The following COL4A4 variants were observed in gnomAD, a reference collection of about 807,000 sequenced individuals.
The protein encoded by COL4A4 is collagen alpha-4(IV) chain.
Under a neutral mutation model 192.9 loss-of-function variants are expected in COL4A4, and 105 were observed. The observed-to-expected ratio is 0.54, with a 90% CI of 0.46 to 0.64. The LOEUF is 0.64. Ranked by LOEUF, COL4A4 falls within the 30% of genes least tolerant of loss-of-function variation. The pLI, the probability that COL4A4 is intolerant of heterozygous loss-of-function variation, is 0.00. For missense variants in COL4A4, 1,967 were observed against 2,169.3 expected, an observed-to-expected ratio of 0.91 and a Z score of 1.85; for synonymous variants, 762 against 769.9, an observed-to-expected ratio of 0.99 and a Z score of 0.17.
At chr2:227,100,438 T>A (rs1243370896) in intron 17 of COL4A4, among the ~76,000 whole-genome samples, 2 of 148,686 alleles carry the variant, frequency 1.3e-5, no homozygotes, top group Non-Finnish European at 3.0e-5. Context: ...AAAAAATATT[T>A]TAAAAAAAAT....
At chr2:226,993,872 C>A in the COL4A4 span, among the ~76,000 whole-genome samples, 1 of 152,206 alleles carries the variant, frequency 6.6e-6, no homozygotes, top group Non-Finnish European at 1.5e-5. Context: ...TTAACAGTTG[C>A]CATGTCAGCT....
At chr2:227,070,710 G>A (rs1393159658) in intron 25 of COL4A4, among the ~76,000 whole-genome samples, 1 of 124,342 alleles carries the variant, frequency 8.0e-6, no homozygotes, top group Non-Finnish European at 1.7e-5. Context: ...CACACTCTGG[G>A]GACTGTTGTG....
intron 44 of COL4A4, among the ~76,000 whole-genome samples, chr2:227,014,928 T>G (rs1964560303): frequency 6.8e-6 from 1 of 147,994 alleles, no homozygotes. Context: ...AGATGGAGTC[T>G]TTCTCTGTTG....
At chr2:227,051,309 C>T in intron 32 of COL4A4, 151 bp from the exon 33 acceptor site, 2 of 786,886 alleles carry the variant, frequency 2.5e-6, no homozygotes, top group East Asian at 5.1e-5. Context: ...TCATTTCTGG[C>T]TTCAGTGACC....
chr2:227,118,320 T>C (rs1171134278), intron 7 of COL4A4, among the ~76,000 whole-genome samples: 1 of 152,206 alleles, frequency 6.6e-6, no homozygotes, highest in Non-Finnish European at 1.5e-5. Flanking sequence ...CTCTCTGCTC[T>C]TTTTTCCCTA....
At chr2:227,036,161 C>T (rs531488821) in intron 37 of COL4A4, among the ~76,000 whole-genome samples, 2 of 152,296 alleles carry the variant, frequency 1.3e-5, no homozygotes, top group South Asian at 2.1e-4. Flanking sequence ...AAACAACCAT[C>T]ATTTAAGGCT....
chr2:227,154,100 C>A (rs2064151297), intron 1 of COL4A4, among the ~76,000 whole-genome samples: 2 of 152,296 alleles, frequency 1.3e-5, no homozygotes, highest in South Asian at 2.1e-4. Context: ...CAAGTAAGAT[C>A]CACAACCTCT....
At chr2:227,076,779 A>C (rs541587185) in intron 25 of COL4A4, among the ~76,000 whole-genome samples, 1 of 152,354 alleles carries the variant, frequency 6.6e-6, no homozygotes, top group Non-Finnish European at 1.5e-5. Flanking sequence ...CAAGGAACTT[A>C]AACAAATTTA....
intron 42 of COL4A4, among the ~76,000 whole-genome samples, chr2:227,026,348 A>T (rs532195376): frequency 1.3e-5 from 2 of 152,050 alleles, no homozygotes; most frequent in African/African-American, 4.8e-5. Flanking sequence ...ATACAAAAAA[A>T]TTAGCTGCGT....
intron 25 of COL4A4, among the ~76,000 whole-genome samples, chr2:227,069,474 C>G (rs1227855905): frequency 2.6e-5 from 4 of 152,026 alleles, no homozygotes; most frequent in African/African-American, 9.7e-5. Context: ...AACTATACTA[C>G]AAGGCTACAG....
At chr2:227,093,975 T>G in intron 20 of COL4A4, 150 bp downstream of exon 20, 1 of 679,418 alleles carries the variant, frequency 1.5e-6, no homozygotes, top group Non-Finnish European at 2.5e-6. Context: ...AAAGTCCAAC[T>G]TCAGTTTATT....
At chr2:227,046,518 C>T (rs942663450) in intron 35 of COL4A4, among the ~76,000 whole-genome samples, 1 of 151,986 alleles carries the variant, frequency 6.6e-6, no homozygotes, top group Non-Finnish European at 1.5e-5. Context: ...CATCTTTGTA[C>T]ACTTGTCTGA....
chr2:227,072,984 A>G (rs2058808385), intron 25 of COL4A4, among the ~76,000 whole-genome samples: 1 of 152,116 alleles, frequency 6.6e-6, no homozygotes, highest in Admixed American at 6.6e-5. Flanking sequence ...GAGAACAGGA[A>G]CAAGAGAAGG....
intron 37 of COL4A4, among the ~76,000 whole-genome samples, chr2:227,033,985 C>T (rs925504112): frequency 3.9e-5 from 6 of 152,214 alleles, no homozygotes; most frequent in Non-Finnish European, 7.3e-5. Context: ...CTGGCAAATG[C>T]TTGCCCTGCG....
At chr2:227,144,652 C>T in intron 2 of COL4A4, 94 bp from the exon 3 acceptor site, 1 of 1,032,176 alleles carries the variant, frequency 9.7e-7, no homozygotes, top group Non-Finnish European at 1.5e-6. Flanking sequence ...CAGAAAGCTA[C>T]TTTTTATTTC....
intron 17 of COL4A4, among the ~76,000 whole-genome samples, chr2:227,100,035 A>G (rs112982882): frequency 1.3e-5 from 2 of 152,226 alleles, no homozygotes; most frequent in African/African-American, 4.8e-5. Flanking sequence ...TCGATGACAA[A>G]TAGTTTATTC....
At chr2:227,046,780 A>AT (rs2150143005) in intron 35 of COL4A4, among the ~76,000 whole-genome samples, 1 of 152,138 alleles carries the variant, frequency 6.6e-6, no homozygotes, top group African/African-American at 2.4e-5. Flanking sequence ...GGAGCTGTGC[A>AT]TAACACTGGC....
chr2:227,098,148 A>C (rs866397785), intron 19 of COL4A4, among the ~76,000 whole-genome samples: 3 of 152,172 alleles, frequency 2.0e-5, no homozygotes, highest in African/African-American at 7.2e-5. Flanking sequence ...TTATGAATGA[A>C]AGTTTTTTTA....
At chr2:227,041,852 A>AAGAG (rs1412480175) in intron 37 of COL4A4, among the ~76,000 whole-genome samples, 2 of 71,366 alleles carry the variant, frequency 2.8e-5, no homozygotes, top group Non-Finnish European at 5.6e-5. Context: ...AAGAAAGAGA[A>AAGAG]AGAAAGAAAG....
Sources: allele counts gnomAD v4.1 joint callset (sites outside exome capture counted in the v4.1 genomes callset), GRCh38; gene constraint gnomAD v4.1.1; transcripts MANE v1.5; gene names NCBI Gene and HGNC (gene_info 2026-07-23, HGNC 2026-07-21).